The following AKR7A2 variants were observed in gnomAD, a reference collection of about 807,000 sequenced individuals.
The protein encoded by AKR7A2 is aflatoxin B1 aldehyde reductase member 2.
Under a neutral mutation model 37.3 loss-of-function variants are expected in AKR7A2, and 29 were observed. The observed-to-expected ratio is 0.78, with a 90% CI of 0.58 to 1.06. The LOEUF (loss-of-function observed/expected upper bound fraction) is 1.06. Among genes scored for constraint, AKR7A2 ranks in the 50% least tolerant of loss-of-function variants. The pLI is 0.00. For missense variants in AKR7A2, 529 were observed against 497.9 expected (o/e 1.06, Z -0.59); for synonymous variants, 228 against 217.8 (o/e 1.05, Z -0.41).
rs1279111366 is a variant in AKR7A2, at chr1:19,311,957, G to T, written c.168C>A (p.Ser56Arg). 6.3e-7 allele frequency: 1 copy of T among 1,580,898 alleles called. No homozygotes were observed. The highest frequency in any genetic ancestry group is 8.6e-7 in the Non-Finnish European group (1 of 1,164,882). ...CCAGAAAGGCGCGCACGGCCGCGGC[G>T]CTGGCGGGCGCGTCCATGCGGCGCC... ...EMGRRMDAPASAAAVRAFLER... is the reference protein window; with the variant it reads ...EMGRRMDAPARAAAVRAFLER... The change falls in exon 1 of 7, where the codon AGC becomes AGA. Residue 56 changes from serine (S) to arginine (R), a missense_variant. By Grantham distance (110) the Ser-to-Arg change is moderately radical. Transcript: ENST00000235835.
chr1:19,312,115 C>G lies in AKR7A2; in HGVS notation c.10G>C (p.Ala4Pro), dbSNP rs908272529. The change falls in exon 1 of 7, where the codon GCC becomes CCC. Residue 4 changes from alanine to proline, a missense_variant. Physicochemically the swap from Ala to Pro is conservative, Grantham distance 27 (BLOSUM62 -1). Transcript: ENST00000235835. The stretch of plus-strand genomic sequence containing the variant: ...GCGCGGGAGACTACGCGAGACGCGG[C>G]ACTCAGCATAGCAGCGGCGCCTGCG... MLS[A>P]ASRVVSRAAV... The G allele has an allele frequency of 1.5e-6, 2 of 1,320,374 alleles. No individual in the cohort carries two copies. Among genetic ancestry groups the G allele is most frequent in the Non-Finnish European group, 1.9e-6 (2 of 1,044,342 alleles). The allele number at this position is 1,320,374 out of a possible 1,614,324, so 81.8% of individuals were successfully genotyped here. A position where few individuals can be genotyped will look rare whatever the true frequency, so the allele number is the denominator to read the frequency against.
At chr1:19,309,898 A>G (rs1392614076) in intron 1 of AKR7A2, among the ~76,000 whole-genome samples, 1 of 152,132 alleles carries the variant, frequency 6.6e-6, no homozygotes, top group Non-Finnish European at 1.5e-5. Flanking sequence ...CAACATGGTG[A>G]AACTCTGTCT....
Position 19,308,620 on chromosome 1 carries a change from G to T in AKR7A2, c.321C>A (p.Asn107Lys), listed in dbSNP as rs1185074548. Residue 107 changes from asparagine to lysine, a missense_variant, in exon 2 of 7, where the codon AAC becomes AAA. By Grantham distance (94) the Asn-to-Lys change is moderately conservative (BLOSUM62 0). Coordinates refer to ENST00000235835, the MANE Select transcript of AKR7A2 (RefSeq NM_003689.4). ...DCRVKIATKANPWDGKSLKPD... is the reference protein window; with the variant it reads ...DCRVKIATKAKPWDGKSLKPD... ...GCTTTAGTGATTTTCCATCCCAAGG[G>T]TTGGCCTTGGTGGCAATTTTCACTT... The T allele has an allele frequency of 6.2e-7, 1 of 1,614,168 alleles. No individual in the cohort carries two copies. Among genetic ancestry groups the T allele is most frequent in the Non-Finnish European group, 8.5e-7 (1 of 1,180,038 alleles).
chr1:19,311,840 ACCGCCCAGCCCGAGCCCCAGG>A lies in AKR7A2; in HGVS notation c.264_284del (p.Leu89_Gly95del), dbSNP rs2093776923. On this transcript the variant is annotated inframe_deletion, in exon 1 of 7. Transcript: ENST00000235835. ...AGCTACTGTTACCTCTGCAGTCGCC[ACCGCCCAGCCCGAGCCCCAGG>A]CCGCCCAGGATGGTCTCGGACTGGC... is the stretch of plus-strand genomic sequence containing the variant. 2.5e-6 allele frequency: 4 copies of A among 1,610,108 alleles called. No homozygotes were observed. In the East Asian group the frequency reaches 8.9e-5, roughly 36 times the overall value.
chr1:19,303,342 C>T (rs947651564), downstream of AKR7A2, among the ~76,000 whole-genome samples: 1 of 152,136 alleles, frequency 6.6e-6, no homozygotes, highest in Non-Finnish European at 1.5e-5. Context: ...GAAGCTGCTC[C>T]AAGTGCTGCC....
At chr1:19,306,285 G>A (rs1195535631) in intron 5 of AKR7A2, 138 bp from the exon 6 acceptor site, 1 of 1,245,550 alleles carries the variant, frequency 8.0e-7, no homozygotes, top group Non-Finnish European at 1.1e-6. Context: ...CTAGTCATAG[G>A]TCTCCCACTT....
intron 1 of AKR7A2, 28 bp from the exon 2 acceptor site, chr1:19,308,670 G>A (rs2093766909): frequency 6.2e-7 from 1 of 1,607,180 alleles, no homozygotes; most frequent in Non-Finnish European, 8.5e-7. Context: ...ATGGTTAAGT[G>A]ACCTATTAGA....
At position 19,312,056 on chromosome 1, in the gene AKR7A2, G is replaced by A. The variant is rs1225227314; in HGVS notation, c.69C>T (p.Pro23=). The A allele has an allele frequency of 5.1e-6, 7 of 1,368,534 alleles. No homozygotes were observed. The East Asian group carries it at 9.3e-5, about 18-fold the overall frequency. The allele number at this position is 1,368,534 out of a possible 1,614,324, so 84.8% of individuals were successfully genotyped here. A position where few individuals can be genotyped will look rare whatever the true frequency, so the allele number is the denominator to read the frequency against. The change falls in exon 1 of 7, where the codon CCC becomes CCT. Residue 23 remains proline (P), a synonymous_variant. Transcript: ENST00000235835. ...GGGACATGGCGAGCGCGCGGGCCTC[G>A]GGCGGCGGAGAGCGAAGCGCGCAGT... ...AVHCALRSPP[P]EARALAMSRP...
intron 3 of AKR7A2, 158 bp downstream of exon 3, chr1:19,308,000 C>T: frequency 1.1e-6 from 1 of 936,734 alleles, no homozygotes; most frequent in Non-Finnish European, 1.7e-6. Flanking sequence ...GGCTGAGGAG[C>T]TTGAATGGCA....
rs1317258494 is a variant in AKR7A2 at position 19,304,139 on chromosome 1, T to G, written c.*86A>C. 3 of 1,603,854 alleles carry G rather than the reference T, an allele frequency of 1.9e-6. No individual in the cohort carries two copies. Among genetic ancestry groups the G allele is most frequent in the Non-Finnish European group, 2.6e-6 (3 of 1,170,966 alleles). On this transcript the variant is annotated 3_prime_UTR_variant, in exon 7 of 7. Coordinates refer to ENST00000235835, the MANE Select transcript of AKR7A2 (RefSeq NM_003689.4). Reference sequence around the variant, plus strand: ...TCTAGACAATTCAGAAAAACCCTTCTAAGTCAGCTTAAGGCCAAGACTGGT... The same window carrying G: ...TCTAGACAATTCAGAAAAACCCTTCGAAGTCAGCTTAAGGCCAAGACTGGT...
chr1:19,304,100 AAAT>A lies in AKR7A2; in HGVS notation c.*122_*124del, dbSNP rs1405611651. 6.7e-7 allele frequency: 1 copy of A among 1,501,712 alleles called. No homozygotes were observed. The highest frequency in any genetic ancestry group is 9.2e-7 in the Non-Finnish European group (1 of 1,085,734). 93.0% of individuals were successfully genotyped at this position (1,501,712 alleles called of 1,614,324 possible). A position where few individuals can be genotyped will look rare whatever the true frequency, so the allele number is the denominator to read the frequency against. On this transcript the variant is annotated 3_prime_UTR_variant, in exon 7 of 7. Transcript: ENST00000235835. ...TAGGGAGCAAGGCAGGAAGCTAGAA[AAAT>A]AATGCATGGATCTAGACAATTCAGA...
At chr1:19,306,863 C>T in intron 5 of AKR7A2, 139 bp downstream of exon 5, 1 of 775,446 alleles carries the variant, frequency 1.3e-6, no homozygotes, top group Non-Finnish European at 2.2e-6. Flanking sequence ...CCACAGAGGG[C>T]TTGGGAATTC....
intron 4 of AKR7A2, 23 bp downstream of exon 4, chr1:19,307,291 A>G (rs2093763430): frequency 6.2e-7 from 1 of 1,612,480 alleles, no homozygotes; most frequent in Admixed American, 1.7e-5. Context: ...AGGCTGAGAC[A>G]GGGTCAGGAA....
At position 19,312,138 on chromosome 1, in the gene AKR7A2, G is replaced by A; in HGVS notation, c.-14C>T. On this transcript the variant is annotated 5_prime_UTR_variant, in exon 1 of 7. Coordinates refer to ENST00000235835, the MANE Select transcript of AKR7A2 (RefSeq NM_003689.4). ...GGCACTCAGCATAGCAGCGGCGCCT[G>A]CGCGTTGGGAGCCGGGGGCCCCGCC... 2 of 1,264,482 alleles carry A rather than the reference G, an allele frequency of 1.6e-6. No homozygotes were observed. Among genetic ancestry groups the A allele is most frequent in the Non-Finnish European group, 2.0e-6 (2 of 1,010,900 alleles). 78.3% of individuals were successfully genotyped at this position (1,264,482 alleles called of 1,614,324 possible).
chr1:19,308,629 G>A lies in AKR7A2; in HGVS notation c.312C>T (p.Thr104=), dbSNP rs200420410. 441 of 1,614,134 alleles carry A rather than the reference G, an allele frequency of 2.7e-4. 2 individuals are homozygous for A. The highest frequency in any genetic ancestry group is 1.5e-4 in the Non-Finnish European group (173 of 1,180,020). ...ATTTTCCATCCCAAGGGTTGGCCTT[G>A]GTGGCAATTTTCACTTGGAGAGAGA... ...GGGDCRVKIA[T]KANPWDGKSL... The change falls in exon 2 of 7, where the codon ACC becomes ACT. Residue 104 remains threonine, a synonymous_variant. Coordinates refer to ENST00000235835, the MANE Select transcript of AKR7A2 (RefSeq NM_003689.4).
intron 1 of AKR7A2, among the ~76,000 whole-genome samples, chr1:19,309,130 G>T (rs2093767713): frequency 6.6e-6 from 1 of 152,216 alleles, no homozygotes; most frequent in African/African-American, 2.4e-5. Flanking sequence ...GGGAACCCAT[G>T]CAAAGTCAAA....
At chr1:19,308,742 G>A in intron 1 of AKR7A2, 100 bp from the exon 2 acceptor site, 1 of 1,196,294 alleles carries the variant, frequency 8.4e-7, no homozygotes. Context: ...TCAATTGTAT[G>A]ATCTGTAAAA....
At chr1:19,310,468 T>C (rs955814971) in intron 1 of AKR7A2, among the ~76,000 whole-genome samples, 4 of 151,958 alleles carry the variant, frequency 2.6e-5, no homozygotes, top group African/African-American at 9.7e-5. Context: ...GAGGCTGAGG[T>C]GGGCAGATCA....
chr1:19,307,329 A>G lies in AKR7A2; in HGVS notation c.673T>C (p.Tyr225His), dbSNP rs1318892857. 1 of 1,613,502 alleles carries G rather than the reference A, an allele frequency of 6.2e-7. No individual in the cohort carries two copies. Among genetic ancestry groups the G allele is most frequent in the South Asian group, 1.1e-5 (1 of 91,030 alleles). ...LRHFGLRFYA[Y>H]NPLAGGLLTG... ...CTCCACGTACCAGCCAGAGGGTTGT[A>G]GGCATAGAACCTCAGTCCAAAGTGC... The change falls in exon 4 of 7, where the codon TAC becomes CAC. Residue 225 changes from tyrosine to histidine, a missense_variant. Tyr to His is a moderately conservative substitution (Grantham distance 83, BLOSUM62 2). Transcript: ENST00000235835.
Sources: gnomAD v4.1 joint callset for allele counts (sites outside exome capture counted in the v4.1 genomes callset) on GRCh38, gnomAD v4.1.1 for gene constraint, MANE v1.5 for transcripts, NCBI Gene and HGNC (gene_info 2026-07-23, HGNC 2026-07-21) for gene names.